The following LARGE1 variants were observed in gnomAD, a reference collection of about 807,000 sequenced individuals.
LARGE1 encodes the protein LARGE xylosyl- and glucuronyltransferase 1.
LARGE1 carries 43 observed loss-of-function variants against 87.6 expected under a neutral mutation model. The observed-to-expected ratio is 0.49, with a 90% CI of 0.38 to 0.63. The LOEUF (loss-of-function observed/expected upper bound fraction) is 0.63. LARGE1 is among the 30% of genes least tolerant of loss of function. The probability of loss-of-function intolerance (pLI) is 0.00; values close to 1 mark genes in which losing one functional copy is unlikely to be tolerated. For missense variants in LARGE1, 802 were observed against 1,000.2 expected (o/e 0.80, Z 2.67); for synonymous variants, 434 against 394.6 (o/e 1.10, Z -1.18).
intron 1 of LARGE1, among the ~76,000 whole-genome samples, chr22:33,875,783 G>C (rs1489393840): frequency 6.6e-6 from 1 of 152,156 alleles, no homozygotes; most frequent in Non-Finnish European, 1.5e-5. Flanking sequence ...GGGAAACACA[G>C]GACAATGAGA....
intron 1 of LARGE1, among the ~76,000 whole-genome samples, chr22:33,842,131 CAG>C (rs1205012672): frequency 2.0e-5 from 3 of 152,166 alleles, no homozygotes; most frequent in African/African-American, 7.2e-5. Flanking sequence ...TCTAGAAAGT[CAG>C]AACACTGTAC....
At chr22:33,198,359 C>T (rs1924186359) in intron 11 of LARGE1, among the ~76,000 whole-genome samples, 1 of 151,964 alleles carries the variant, frequency 6.6e-6, no homozygotes. Context: ...CTCACTCTGC[C>T]ACCTGGGCTG....
At chr22:33,518,561 G>A (rs146083065) in intron 6 of LARGE1, among the ~76,000 whole-genome samples, 17 of 152,232 alleles carry the variant, frequency 1.1e-4, no homozygotes, top group African/African-American at 3.6e-4. Flanking sequence ...CGCTGGCCTC[G>A]GCCTCCCAAA....
At chr22:33,791,700 T>C (rs142159809) in intron 1 of LARGE1, among the ~76,000 whole-genome samples, 1 of 152,292 alleles carries the variant, frequency 6.6e-6, no homozygotes, top group East Asian at 1.9e-4. Context: ...TATATAGAAA[T>C]CATTATAGAC....
At chr22:33,081,593 C>A in the LARGE1 span, among the ~76,000 whole-genome samples, 1 of 152,114 alleles carries the variant, frequency 6.6e-6, no homozygotes, top group African/African-American at 2.4e-5. Context: ...GGGATTTTTT[C>A]AAACTTTTTG....
At chr22:33,312,618 A>G (rs577672749) in intron 11 of LARGE1, among the ~76,000 whole-genome samples, 35 of 152,282 alleles carry the variant, frequency 2.3e-4, no homozygotes, top group African/African-American at 7.5e-4. Flanking sequence ...ATATTGACTC[A>G]GAATATTTTG....
chr22:33,190,480 G>A (rs993944169), intron 11 of LARGE1, among the ~76,000 whole-genome samples: 1 of 152,108 alleles, frequency 6.6e-6, no homozygotes, highest in South Asian at 2.1e-4. Flanking sequence ...TTCTCATATG[G>A]ATGCCATTCC....
At chr22:33,890,433 C>T (rs901874094) in intron 1 of LARGE1, among the ~76,000 whole-genome samples, 3 of 151,918 alleles carry the variant, frequency 2.0e-5, no homozygotes, top group African/African-American at 7.3e-5. Flanking sequence ...TTAACCCGCA[C>T]AGCAATTCTA....
At chr22:33,654,606 A>T (rs1310593021) in intron 2 of LARGE1, among the ~76,000 whole-genome samples, 1 of 152,180 alleles carries the variant, frequency 6.6e-6, no homozygotes, top group African/African-American at 2.4e-5. Flanking sequence ...TGGGAGCACA[A>T]GCAGGAGAGA....
chr22:33,621,441 G>A (rs1475518876), intron 4 of LARGE1, among the ~76,000 whole-genome samples: 1 of 78,648 alleles, frequency 1.3e-5, no homozygotes, highest in Non-Finnish European at 2.4e-5. Context: ...TATGGCAGAA[G>A]TAAAACTGAT....
At chr22:33,570,844 C>T (rs562001474) in intron 5 of LARGE1, among the ~76,000 whole-genome samples, 7 of 151,776 alleles carry the variant, frequency 4.6e-5, no homozygotes, top group Non-Finnish European at 7.4e-5. Flanking sequence ...ATTTCCATGC[C>T]GCAACACACT....
At chr22:33,861,497 G>C (rs1429375530) in intron 1 of LARGE1, 3 of 152,230 alleles carry the variant, frequency 2.0e-5, no homozygotes, top group African/African-American at 7.2e-5. Context: ...ACAAGCCATG[G>C]AATTTGCACA....
At chr22:33,200,604 T>G (rs949991229) in intron 11 of LARGE1, among the ~76,000 whole-genome samples, 2 of 152,240 alleles carry the variant, frequency 1.3e-5, no homozygotes, top group Admixed American at 1.3e-4. Context: ...GTTCATCCAC[T>G]GATGAATGAA....
chr22:33,522,839 A>G (rs1438787744), intron 6 of LARGE1, among the ~76,000 whole-genome samples: 2 of 151,638 alleles, frequency 1.3e-5, no homozygotes, highest in East Asian at 2.0e-4. Flanking sequence ...AAAAAAAGAA[A>G]AAAAAAAAAG....
intron 6 of LARGE1, among the ~76,000 whole-genome samples, chr22:33,473,908 T>C (rs1473256436): frequency 2.6e-5 from 4 of 152,238 alleles, no homozygotes; most frequent in African/African-American, 7.2e-5. Context: ...AATGTGCAGC[T>C]GATACCAAGG....
At chr22:33,186,861 T>G (rs1296567005) in intron 11 of LARGE1, among the ~76,000 whole-genome samples, 1 of 152,150 alleles carries the variant, frequency 6.6e-6, no homozygotes, top group East Asian at 1.9e-4. Flanking sequence ...ATTTTGAAAA[T>G]TAATTCATAA....
At chr22:33,517,941 T>C (rs1261089169) in intron 6 of LARGE1, among the ~76,000 whole-genome samples, 1 of 152,144 alleles carries the variant, frequency 6.6e-6, no homozygotes, top group Non-Finnish European at 1.5e-5. Flanking sequence ...GGCCTGAAGA[T>C]TATAAGGAGA....
chr22:33,377,484 C>T (rs1167113153), intron 9 of LARGE1, among the ~76,000 whole-genome samples: 3 of 152,190 alleles, frequency 2.0e-5, no homozygotes, highest in African/African-American at 7.2e-5. Context: ...ATTCCCATTG[C>T]AATGCACTAT....
chr22:33,417,702 C>G (rs912840563), intron 7 of LARGE1, among the ~76,000 whole-genome samples: 1 of 152,124 alleles, frequency 6.6e-6, no homozygotes, highest in Non-Finnish European at 1.5e-5. Context: ...CCGGGGCTCT[C>G]GGGGAGAAAC....
Sources: gnomAD v4.1 joint callset for allele counts (sites outside exome capture counted in the v4.1 genomes callset) on GRCh38, gnomAD v4.1.1 for gene constraint, MANE v1.5 for transcripts, NCBI Gene and HGNC (gene_info 2026-07-23, HGNC 2026-07-21) for gene names.